Variants in ITGA3 observed in about 807,000 individuals in gnomAD.
ITGA3 encodes integrin alpha-3.
Under a neutral mutation model 131.1 loss-of-function variants are expected in ITGA3, and 70 were observed. The ratio of observed to expected loss-of-function variants is 0.53; its 90% CI spans 0.44 to 0.65. The LOEUF (loss-of-function observed/expected upper bound fraction) is 0.65. ITGA3 is among the 30% of genes least tolerant of loss of function. The pLI is 0.00. For missense variants in ITGA3, 1,098 were observed against 1,388.6 expected (o/e 0.79, Z 3.33); for synonymous variants, 537 against 571.6 (o/e 0.94, Z 0.86).
chr17:50,069,665 C>CA (rs1908530116), intron 4 of ITGA3, among the ~76,000 whole-genome samples: 1 of 152,152 alleles, frequency 6.6e-6, no homozygotes, highest in Admixed American at 6.5e-5. Context: ...GACCTTATCT[C>CA]AAAAAACTAA....
chr17:50,061,742 A>G (rs1908091677), intron 1 of ITGA3, among the ~76,000 whole-genome samples: 1 of 152,216 alleles, frequency 6.6e-6, no homozygotes, highest in African/African-American at 2.4e-5. Flanking sequence ...ATGCCAGGGC[A>G]GAAATTCCTG....
chr17:50,064,473 G>T lies in ITGA3; in HGVS notation c.335-55G>T. On this transcript the variant is annotated intron_variant, in intron 2 of 25. Transcript: ENST00000320031. The surrounding 1 kb of genome is among the most constrained non-coding windows in gnomAD (Gnocchi z 4.4). Reference sequence around the variant, plus strand: ...CCCACTCCTGCCCTCTGGAGACTTTGGGCACTGAAGTATGGGTGAGGTGCT... The same window carrying T: ...CCCACTCCTGCCCTCTGGAGACTTTTGGCACTGAAGTATGGGTGAGGTGCT... 1.3e-6 allele frequency: 2 copies of T among 1,535,550 alleles called. No homozygotes were observed. Among genetic ancestry groups the T allele is most frequent in the East Asian group, 2.3e-5 (1 of 43,938 alleles).
Position 50,064,449 on chromosome 17 carries a change from C to G in ITGA3, c.335-79C>G. On this transcript the variant is annotated intron_variant, in intron 2 of 25. Coordinates refer to ENST00000320031, the MANE Select transcript of ITGA3 (RefSeq NM_002204.4). This position sits in a 1 kb window ranked among gnomAD's most constrained non-coding sequence, Gnocchi z 4.4. ...TGTGGGTGGAGGGCCCAAGCGGGACCCACTCCTGCCCTCTGGAGACTTTGG... is the reference window on the plus strand; with the variant it reads ...TGTGGGTGGAGGGCCCAAGCGGGACGCACTCCTGCCCTCTGGAGACTTTGG... 2.9e-6 allele frequency: 4 copies of G among 1,399,622 alleles called. No individual in the cohort carries two copies. Among genetic ancestry groups the G allele is most frequent in the Admixed American group, 2.1e-5 (1 of 46,900 alleles). 86.7% of individuals were successfully genotyped at this position (1,399,622 alleles called of 1,614,324 possible). A position where few individuals can be genotyped will look rare whatever the true frequency, so the allele number is the denominator to read the frequency against.
intron 23 of ITGA3, among the ~76,000 whole-genome samples, chr17:50,085,400 C>T (rs1464295234): frequency 6.6e-6 from 1 of 151,846 alleles, no homozygotes; most frequent in East Asian, 1.9e-4. Context: ...CATGGTGGCT[C>T]ACGCCTGTAA....
intron 25 of ITGA3, 145 bp downstream of exon 25, chr17:50,088,511 G>A (rs1909570068): frequency 1.7e-6 from 1 of 580,744 alleles, no homozygotes; most frequent in Admixed American, 3.0e-5. Context: ...CACTCTGACT[G>A]TCCCTCCAGC....
At chr17:50,070,421 G>A (rs1474757389) in intron 4 of ITGA3, among the ~76,000 whole-genome samples, 1 of 152,126 alleles carries the variant, frequency 6.6e-6, no homozygotes, top group East Asian at 1.9e-4. Context: ...CAAGGCAGAT[G>A]GATCACTTGA....
At position 50,090,377 on chromosome 17, in the gene ITGA3, C is replaced by T. The variant is rs1909665525; in HGVS notation, c.*1299C>T. 1 of 385,592 alleles carries T rather than the reference C, an allele frequency of 2.6e-6. No homozygotes were observed. Among genetic ancestry groups the T allele is most frequent in the African/African-American group, 2.1e-5 (1 of 48,258 alleles). The allele number at this position is 385,592 out of a possible 1,614,324, so 23.9% of individuals were successfully genotyped here. On this transcript the variant is annotated 3_prime_UTR_variant, in exon 26 of 26. Transcript: ENST00000320031. Reference sequence around the variant, plus strand: ...CTGTTGGCAGGCCCACTCCCCAGCCCCAGCCCCTTCCATGGTACTGTAGCA... The same window carrying T: ...CTGTTGGCAGGCCCACTCCCCAGCCTCAGCCCCTTCCATGGTACTGTAGCA...
intron 3 of ITGA3, among the ~76,000 whole-genome samples, chr17:50,067,388 G>T (rs1172042840): frequency 6.6e-6 from 1 of 152,174 alleles, no homozygotes; most frequent in African/African-American, 2.4e-5. Flanking sequence ...TCTCCCCTCC[G>T]TGAAGCAGCA....
intron 3 of ITGA3, among the ~76,000 whole-genome samples, chr17:50,067,775 A>AC: frequency 1.3e-5 from 2 of 152,270 alleles, no homozygotes; most frequent in Admixed American, 1.3e-4. Context: ...AAGAGCCTGA[A>AC]CCCCACAGTC....
chr17:50,067,947 A>ATCTCCTGGCT, intron 3 of ITGA3, 109 bp from the exon 4 acceptor site: 5 of 1,389,724 alleles, frequency 3.6e-6, no homozygotes, highest in Non-Finnish European at 4.0e-6. Flanking sequence ...AAGCCAGGAG[A>ATCTCCTGGCT]TCTCCTTTGA....
In ITGA3 at chr17:50,070,941, T is replaced by C; in HGVS notation, c.751+11T>C. ...GAAACCTCTATATTGGTGAGTACAG[T>C]AGTGGTAGCCCATCAAGTGGTAGAG... On this transcript the variant is annotated intron_variant, in intron 5 of 25. Coordinates refer to ENST00000320031, the MANE Select transcript of ITGA3 (RefSeq NM_002204.4). 6.7e-7 allele frequency: 1 copy of C among 1,503,028 alleles called. No homozygotes were observed. The highest frequency in any genetic ancestry group is 9.3e-7 in the Non-Finnish European group (1 of 1,079,704). 93.1% of individuals were successfully genotyped at this position (1,503,028 alleles called of 1,614,324 possible). A position where few individuals can be genotyped will look rare whatever the true frequency, so the allele number is the denominator to read the frequency against.
chr17:50,058,959 A>C (rs1469413542), intron 1 of ITGA3, among the ~76,000 whole-genome samples: 1 of 152,192 alleles, frequency 6.6e-6, no homozygotes, highest in African/African-American at 2.4e-5. Flanking sequence ...CCAAAATCGT[A>C]GTATTTGTCC....
intron 21 of ITGA3, among the ~76,000 whole-genome samples, chr17:50,079,851 G>T (rs114077415): frequency 6.6e-6 from 1 of 152,224 alleles, no homozygotes; most frequent in Non-Finnish European, 1.5e-5. Context: ...GGCAGGAGGC[G>T]GTGTCGGGCA....
intron 7 of ITGA3, among the ~76,000 whole-genome samples, 153 bp from the exon 8 acceptor site, chr17:50,073,763 G>T (rs562771755): frequency 6.6e-6 from 1 of 152,166 alleles, no homozygotes; most frequent in Non-Finnish European, 1.5e-5. Flanking sequence ...ATCCTGAGCT[G>T]CAGAGCTCTG....
In ITGA3 at chr17:50,072,006, G is replaced by T; in HGVS notation, c.980G>T (p.Gly327Val). 2 of 1,613,376 alleles carry T rather than the reference G, an allele frequency of 1.2e-6. No homozygotes were observed. Among genetic ancestry groups the T allele is most frequent in the Non-Finnish European group, 8.5e-7 (1 of 1,179,718 alleles). Residue 327 changes from glycine to valine, a missense_variant, in exon 7 of 26, where the codon GGC (glycine) becomes GTC (valine). Physicochemically the swap from Gly to Val is moderately radical, Grantham distance 109. This residue lies in a region of ITGA3 where 356 missense variants were observed against 529.2 expected (regional missense o/e 0.67). Transcript: ENST00000320031. ...TGTAGGTGGCAGGACCTCCTGGTGGGCGCCCCCTACTACTTCGAGAGGAAA... is the reference window on the plus strand; with the variant it reads ...TGTAGGTGGCAGGACCTCCTGGTGGTCGCCCCCTACTACTTCGAGAGGAAA... ...NNDGWQDLLV[G>V]APYYFERKEE...
Position 50,059,877 on chromosome 17 carries a change from G to T in ITGA3, c.206+3232G>T, listed in dbSNP as rs148951059. 1.1e-3 allele frequency among the ~76,000 whole-genome samples: 174 copies of T among 152,300 alleles called. 1 individual carries two copies. The highest frequency in any genetic ancestry group is 5.6e-3 in the East Asian group (29 of 5,178). On this transcript the variant is annotated intron_variant, in intron 1 of 25. Coordinates refer to ENST00000320031, the MANE Select transcript of ITGA3 (RefSeq NM_002204.4). ...TGGCCTTGTTCTTTTTTTATCTGAG[G>T]CTTAGCCAGGGCTCTTTTTCCTGTC...
chr17:50,089,795 G>T lies in ITGA3; in HGVS notation c.*717G>T, dbSNP rs552126684. The T allele has an allele frequency of 5.8e-6, 1 of 172,420 alleles. No individual in the cohort carries two copies. Among genetic ancestry groups the T allele is most frequent in the Non-Finnish European group, 1.3e-5 (1 of 79,240 alleles). 10.7% of individuals were successfully genotyped at this position (172,420 alleles called of 1,614,324 possible). Reference sequence around the variant, plus strand: ...CAGAGAGGTGGGGATCCTGCCTAAGGTTGTCTACGGGGGCACTTGGAGGAC... The same window carrying T: ...CAGAGAGGTGGGGATCCTGCCTAAGTTTGTCTACGGGGGCACTTGGAGGAC... On this transcript the variant is annotated 3_prime_UTR_variant, in exon 26 of 26. Transcript: ENST00000320031.
chr17:50,070,233 G>A (rs1414663830), intron 4 of ITGA3, among the ~76,000 whole-genome samples: 1 of 152,208 alleles, frequency 6.6e-6, no homozygotes, highest in Non-Finnish European at 1.5e-5. Context: ...CCAGGAGCCT[G>A]AGTGATTAAG....
rs141286743 is a variant in ITGA3, at chr17:50,089,563, G to A, written c.*485G>A. ...ATCACGGATGGTGCATGGGCTCGCC[G>A]TGTCTCAGCCTCTGCCAGCGCCAAA... is the stretch of plus-strand genomic sequence containing the variant. On this transcript the variant is annotated 3_prime_UTR_variant, in exon 26 of 26. Transcript: ENST00000320031. 391 of 356,006 alleles carry A rather than the reference G, an allele frequency of 1.1e-3. No homozygotes were observed. Among genetic ancestry groups the A allele is most frequent in the African/African-American group, 7.4e-3 (363 of 49,258 alleles). 22.1% of individuals were successfully genotyped at this position (356,006 alleles called of 1,614,324 possible).
Sources: gnomAD v4.1 joint callset for allele counts (sites outside exome capture counted in the v4.1 genomes callset) on GRCh38, gnomAD v4.1.1 for gene constraint, gnomAD v4.1.1 regional missense constraint, Gnocchi (gnomAD v3.1) non-coding constraint, MANE v1.5 for transcripts, NCBI Gene and HGNC (gene_info 2026-07-23, HGNC 2026-07-21) for gene names.